The following ARHGEF33 variants were observed in gnomAD, a reference collection of about 807,000 sequenced individuals.
ARHGEF33 encodes the protein DH and coiled-coil domain-containing protein ENSP00000381780.
Under a neutral mutation model 101.9 loss-of-function variants are expected in ARHGEF33, and 72 were observed. The ratio of observed to expected loss-of-function variants is 0.71; its 90% CI spans 0.58 to 0.86. The LOEUF is 0.86. ARHGEF33 is among the 40% of genes least tolerant of loss of function. The pLI is 0.00. For missense variants in ARHGEF33, 1,169 were observed against 1,111.3 expected (o/e 1.05, Z -0.74); for synonymous variants, 499 against 442.5 (o/e 1.13, Z -1.60).
intron 8 of ARHGEF33, chr2:38,936,969 T>A (rs547133847): frequency 7.2e-6 from 1 of 138,060 alleles, no homozygotes; most frequent in African/African-American, 2.7e-5. Flanking sequence ...AAAGCGAAAC[T>A]CCGTCTCAAA....
chr2:38,931,384 G>A, intron 7 of ARHGEF33, 133 bp downstream of exon 7: 1 of 748,312 alleles, frequency 1.3e-6, no homozygotes, highest in South Asian at 2.2e-5. Flanking sequence ...CTTGTAACTG[G>A]AATTCAGAAG....
intron 1 of ARHGEF33, among the ~76,000 whole-genome samples, chr2:38,895,123 G>T (rs1223681578): frequency 6.6e-6 from 1 of 152,128 alleles, no homozygotes; most frequent in Non-Finnish European, 1.5e-5. Flanking sequence ...TCGTGTCCCT[G>T]AATCTTCACA....
intron 17 of ARHGEF33, among the ~76,000 whole-genome samples, chr2:38,970,435 A>C (rs1668142564): frequency 6.6e-6 from 1 of 152,170 alleles, no homozygotes; most frequent in Admixed American, 6.5e-5. Context: ...CTTAAAGCTC[A>C]TTTCAAGTCC....
chr2:38,929,144 T>G, intron 5 of ARHGEF33, 73 bp downstream of exon 5: 1 of 1,236,428 alleles, frequency 8.1e-7, no homozygotes, highest in Non-Finnish European at 1.1e-6. Context: ...AACTTGCCTT[T>G]TTCTGGCTGG....
intron 6 of ARHGEF33, 54 bp from the exon 7 acceptor site, chr2:38,931,054 TA>T: frequency 1.4e-6 from 2 of 1,386,778 alleles, no homozygotes; most frequent in Non-Finnish European, 2.0e-6. Context: ...AATCTCCTCA[TA>T]ACCTATCAGA....
chr2:38,929,874 A>G lies in ARHGEF33; in HGVS notation c.362+44A>G, dbSNP rs1446042049. On this transcript the variant is annotated intron_variant, in intron 6 of 17. Coordinates refer to ENST00000409978, the MANE Select transcript of ARHGEF33 (RefSeq NM_001145451.5). ...TGTACCAAAGGCAAACCCATAAGCA[A>G]TGGCTTCTGCAGAGGCACCTGGTAC... The G allele has an allele frequency of 5.9e-6, 9 of 1,538,076 alleles. No homozygotes were observed. The African/African-American group carries it at 1.1e-4, about 19-fold the overall frequency.
chr2:38,928,376 A>T (rs1666919882), intron 4 of ARHGEF33, among the ~76,000 whole-genome samples: 1 of 152,092 alleles, frequency 6.6e-6, no homozygotes, highest in African/African-American at 2.4e-5. Flanking sequence ...CTTTCCCATG[A>T]TATCATCCAA....
At chr2:38,893,447 A>G (rs997919671) in intron 1 of ARHGEF33, among the ~76,000 whole-genome samples, 1 of 152,208 alleles carries the variant, frequency 6.6e-6, no homozygotes, top group Admixed American at 6.5e-5. Flanking sequence ...GGTGTGAACC[A>G]CTGTGCCTGG....
At chr2:38,971,904 C>T (rs1668174183) in intron 17 of ARHGEF33, 1 of 718,386 alleles carries the variant, frequency 1.4e-6, no homozygotes, top group Admixed American at 2.0e-5. Flanking sequence ...TTTCTGTGGT[C>T]CTTGGGGCTG....
chr2:38,970,522 G>T (rs1668144391), intron 17 of ARHGEF33, among the ~76,000 whole-genome samples: 1 of 152,148 alleles, frequency 6.6e-6, no homozygotes, highest in Non-Finnish European at 1.5e-5. Context: ...CATTAAAGGG[G>T]ATAATTGAAG....
At chr2:38,909,803 T>G (rs1008221293) in intron 2 of ARHGEF33, among the ~76,000 whole-genome samples, 2 of 151,706 alleles carry the variant, frequency 1.3e-5, no homozygotes, top group African/African-American at 4.8e-5. Flanking sequence ...ATTGTGAGAA[T>G]TGTCTTATCT....
intron 2 of ARHGEF33, among the ~76,000 whole-genome samples, chr2:38,913,759 ACT>A (rs1572744755): frequency 6.6e-6 from 1 of 151,806 alleles, no homozygotes; most frequent in East Asian, 1.9e-4. Context: ...ACAGAGTAAG[ACT>A]CTGTCTCAGA....
chr2:38,914,504 T>C (rs1341939779), intron 2 of ARHGEF33, among the ~76,000 whole-genome samples: 1 of 151,850 alleles, frequency 6.6e-6, no homozygotes, highest in Non-Finnish European at 1.5e-5. Flanking sequence ...CCATCCCTAC[T>C]AAAAATACAA....
intron 4 of ARHGEF33, among the ~76,000 whole-genome samples, chr2:38,924,623 T>C (rs919343239): frequency 2.6e-5 from 4 of 152,218 alleles, no homozygotes; most frequent in Non-Finnish European, 4.4e-5. Flanking sequence ...GTTTTATGTA[T>C]TTTATTATTC....
intron 4 of ARHGEF33, among the ~76,000 whole-genome samples, chr2:38,926,558 G>T (rs1265594574): frequency 6.6e-6 from 1 of 152,164 alleles, no homozygotes; most frequent in Non-Finnish European, 1.5e-5. Flanking sequence ...TTCAGTGGCA[G>T]GCACCCATGG....
Position 38,951,140 on chromosome 2 carries a change from CT to C in ARHGEF33, c.1053+20del, listed in dbSNP as rs1157851504. 21 of 1,549,612 alleles carry C rather than the reference CT, an allele frequency of 1.4e-5. No homozygotes were observed. Among genetic ancestry groups the C allele is most frequent in the African/African-American group, 1.4e-5 (1 of 72,942 alleles). ...TGACGAGGTAAGGTTTTTTCTGCCC[CT>C]CTATACATTTTACTTATACGGATTT... On this transcript the variant is annotated intron_variant, in intron 11 of 17. Transcript: ENST00000409978.
rs1667704464 is a variant in ARHGEF33 at position 38,955,007 on chromosome 2, T to A, written c.1221+551T>A. Among the ~76,000 whole-genome samples, 16 of 152,300 alleles carry A rather than the reference T, an allele frequency of 1.1e-4. 1 individual carries two copies. In the South Asian group the frequency reaches 3.3e-3, roughly 32 times the overall value. On this transcript the variant is annotated intron_variant, in intron 13 of 17. Transcript: ENST00000409978. Reference sequence around the variant, plus strand: ...AGTTCTATCTTTACTTACCAGCAACTTCCACCTCAGCTGATCCAGGATCTT... The same window carrying A: ...AGTTCTATCTTTACTTACCAGCAACATCCACCTCAGCTGATCCAGGATCTT...
intron 9 of ARHGEF33, among the ~76,000 whole-genome samples, chr2:38,943,548 GT>G (rs1667365702): frequency 1.3e-5 from 2 of 148,634 alleles, no homozygotes; most frequent in Non-Finnish European, 3.0e-5. Context: ...GGTATGGGGG[GT>G]GAGGATCTGG....
intron 2 of ARHGEF33, among the ~76,000 whole-genome samples, chr2:38,917,076 A>G (rs1331254955): frequency 4.1e-5 from 6 of 144,704 alleles, no homozygotes; most frequent in Non-Finnish European, 9.0e-5. Flanking sequence ...CTAGGATTAC[A>G]GGTGTGAGCC....
Sources: gnomAD v4.1 joint callset for allele counts (sites outside exome capture counted in the v4.1 genomes callset) on GRCh38, gnomAD v4.1.1 for gene constraint, MANE v1.5 for transcripts, NCBI Gene and HGNC (gene_info 2026-07-23, HGNC 2026-07-21) for gene names.